RAPGEF6: variants seen among roughly 807,000 people sequenced by gnomAD.
RAPGEF6 encodes Rap guanine nucleotide exchange factor 6.
In RAPGEF6, 56 loss-of-function variants were observed where a neutral mutation model predicts 171.4. The observed-to-expected ratio is 0.33, with a 90% CI of 0.26 to 0.41. The LOEUF is 0.41. RAPGEF6 is among the 10% of genes least tolerant of loss of function. RAPGEF6 has a pLI of 1.00. For synonymous variants in RAPGEF6, 692 were observed against 650.1 expected (o/e 1.06, Z -0.98); for missense variants, 1,674 against 1,921.4 (o/e 0.87, Z 2.41).
chr5:131,516,330 G>C (rs1297887530), intron 7 of RAPGEF6, among the ~76,000 whole-genome samples: 1 of 151,868 alleles, frequency 6.6e-6, no homozygotes, highest in Admixed American at 6.6e-5. Context: ...GTGATCCACC[G>C]AACCCAGCCT....
intron 16 of RAPGEF6, among the ~76,000 whole-genome samples, chr5:131,476,762 C>A (rs1205246714): frequency 6.6e-6 from 1 of 152,128 alleles, no homozygotes; most frequent in Non-Finnish European, 1.5e-5. Flanking sequence ...AACCTCCTGG[C>A]CTCAAGTGAT....
intron 6 of RAPGEF6, among the ~76,000 whole-genome samples, chr5:131,532,669 G>C (rs566655761): frequency 1.7e-4 from 25 of 151,254 alleles, no homozygotes; most frequent in Middle Eastern, 3.4e-3. Flanking sequence ...TTAACCTCCA[G>C]AGGTTTAAAA....
rs1764112811 is a variant in RAPGEF6 at position 131,599,686 on chromosome 5, G to A, written c.197+3585C>T. Among the ~76,000 whole-genome samples, 7 of 152,280 alleles carry A rather than the reference G, an allele frequency of 4.6e-5. No individual in the cohort carries two copies. In the South Asian group the frequency reaches 1.5e-3, roughly 32 times the overall value. ...CCTTCAATCAACAATTTACATTTTA[G>A]AAAATTTGTATCCATTACTGTGAGC... On this transcript the variant is annotated intron_variant, in intron 3 of 27. Transcript: ENST00000509018.
At chr5:131,634,870 C>T in intron 1 of RAPGEF6, 92 bp downstream of exon 1, 2 of 1,425,772 alleles carry the variant, frequency 1.4e-6, no homozygotes, top group South Asian at 2.3e-5. Flanking sequence ...GTGCGAGACT[C>T]TGGCAAGAGG....
Position 131,498,570 on chromosome 5 carries a change from T to A in RAPGEF6, c.1292A>T (p.Glu431Val). 6.2e-7 allele frequency: 1 copy of A among 1,613,856 alleles called. No individual in the cohort carries two copies. The highest frequency in any genetic ancestry group is 8.5e-7 in the Non-Finnish European group (1 of 1,179,888). Residue 431 changes from glutamate (E) to valine (V), a missense_variant, in exon 12 of 28, where the codon GAA becomes GTA. Transcript: ENST00000509018. ...PERLIMHLIE[E>V]HSIVDPTYIE... Reference sequence around the variant, plus strand: ...ATAAGTTGGATCCACGATGGAATGTTCTTCTATTAAATGCATTATGAGACG... The same window carrying A: ...ATAAGTTGGATCCACGATGGAATGTACTTCTATTAAATGCATTATGAGACG...
In RAPGEF6 at chr5:131,431,229, C is replaced by G. The variant is rs769311427; in HGVS notation, c.4095G>C (p.Trp1365Cys). 2.5e-6 allele frequency: 4 copies of G among 1,614,080 alleles called. No homozygotes were observed. The South Asian group carries it at 3.3e-5, about 13-fold the overall frequency. Residue 1365 changes from tryptophan to cysteine, a missense_variant, in exon 26 of 28, where the codon TGG becomes TGC. Coordinates refer to ENST00000509018, the MANE Select transcript of RAPGEF6 (RefSeq NM_016340.6). ...CATGGGAGCTGCTTGAACACGAAGTCCAACTTCCACGACCACTGTCAGCTG... is the reference window on the plus strand; with the variant it reads ...CATGGGAGCTGCTTGAACACGAAGTGCAACTTCCACGACCACTGTCAGCTG... Reference protein sequence around the residue: ...IEAADSGRGSWTSCSSSSHDN... With the variant: ...IEAADSGRGSCTSCSSSSHDN...
chr5:131,603,900 C>T (rs534210582), intron 2 of RAPGEF6, among the ~76,000 whole-genome samples: 127 of 151,736 alleles, frequency 8.4e-4, no homozygotes, highest in South Asian at 1.2e-3. Flanking sequence ...TGATGAAAAC[C>T]CAGGAAAAGT....
chr5:131,618,161 T>G (rs1392789600), intron 1 of RAPGEF6, among the ~76,000 whole-genome samples: 1 of 152,174 alleles, frequency 6.6e-6, no homozygotes, highest in Non-Finnish European at 1.5e-5. Flanking sequence ...GGACCTGACT[T>G]TGAAAGGGCT....
In RAPGEF6 at chr5:131,492,562, GTGGT is replaced by G. The variant is rs758784615; in HGVS notation, c.1731+16_1731+19del. ...TACTTTTAAGAAGGCTTGAATATAA[GTGGT>G]TGGTTATTTCCTTACCTGATCACCA... On this transcript the variant is annotated intron_variant, in intron 14 of 27. Coordinates refer to ENST00000509018, the MANE Select transcript of RAPGEF6 (RefSeq NM_016340.6). 6.2e-6 allele frequency: 10 copies of G among 1,609,624 alleles called. No homozygotes were observed. The highest frequency in any genetic ancestry group is 1.3e-5 in the African/African-American group (1 of 74,810).
At chr5:131,633,538 T>C (rs1766445264) in intron 1 of RAPGEF6, among the ~76,000 whole-genome samples, 1 of 152,010 alleles carries the variant, frequency 6.6e-6, no homozygotes, top group Admixed American at 6.6e-5. Context: ...GAGACCACCC[T>C]GGGCAATATG....
intron 8 of RAPGEF6, among the ~76,000 whole-genome samples, chr5:131,508,545 G>A (rs1017920268): frequency 1.3e-5 from 2 of 152,066 alleles, no homozygotes; most frequent in African/African-American, 2.4e-5. Flanking sequence ...GATCTAATAG[G>A]TTAGTGAAAA....
intron 5 of RAPGEF6, among the ~76,000 whole-genome samples, chr5:131,550,493 C>T (rs547977275): frequency 2.0e-5 from 3 of 152,316 alleles, no homozygotes; most frequent in Non-Finnish European, 4.4e-5. Context: ...GAGTTGATGT[C>T]TAATCTGCTT....
intron 20 of RAPGEF6, among the ~76,000 whole-genome samples, chr5:131,455,172 A>C (rs1753392036): frequency 6.6e-6 from 1 of 152,252 alleles, no homozygotes; most frequent in African/African-American, 2.4e-5. Context: ...ATATACAGGC[A>C]AGGTTAAATA....
At position 131,446,547 on chromosome 5, in the gene RAPGEF6, A is replaced by G. The variant is rs367989048; in HGVS notation, c.3357T>C (p.Asp1119=). 1.9e-5 allele frequency: 30 copies of G among 1,614,246 alleles called. No individual in the cohort carries two copies. The South Asian group carries it at 2.5e-4, about 14-fold the overall frequency. ...GGAACTTCTCCTCATCTGTCTCTAC[A>G]TCGAGACTGGAAAGATACTGCTTCA... The part of the protein sequence containing the change: ...RKVKQYLSSL[D]VETDEEKFQM... Residue 1119 remains aspartate (D), a synonymous_variant, in exon 22 of 28, where the codon GAT becomes GAC. Transcript: ENST00000509018.
chr5:131,615,672 G>A (rs543485456), intron 1 of RAPGEF6, among the ~76,000 whole-genome samples: 1 of 152,218 alleles, frequency 6.6e-6, no homozygotes, highest in East Asian at 1.9e-4. Flanking sequence ...AGGCAGAGTG[G>A]GCGGATTACT....
At chr5:131,459,610 G>A (rs1231674784) in intron 19 of RAPGEF6, among the ~76,000 whole-genome samples, 3 of 152,096 alleles carry the variant, frequency 2.0e-5, no homozygotes, top group Non-Finnish European at 4.4e-5. Context: ...GCCAAAGTCT[G>A]GAAATTTAGA....
At chr5:131,615,351 G>A (rs1340899973) in intron 1 of RAPGEF6, among the ~76,000 whole-genome samples, 2 of 152,174 alleles carry the variant, frequency 1.3e-5, no homozygotes, top group Non-Finnish European at 2.9e-5. Context: ...AGGACAGCAT[G>A]GAGTTGTGGA....
In RAPGEF6 at chr5:131,509,694, C is replaced by T. The variant is rs532556648; in HGVS notation, c.805+620G>A. Among the ~76,000 whole-genome samples, 7 of 152,230 alleles carry T rather than the reference C, an allele frequency of 4.6e-5. No homozygotes were observed. The South Asian group carries it at 1.0e-3, about 23-fold the overall frequency. ...GCTTGTGCTTTAAATGTCTTATAGA[C>T]ATGAAGGGAAAAATCAGTTTAATGC... is the stretch of plus-strand genomic sequence containing the variant. On this transcript the variant is annotated intron_variant, in intron 8 of 27. Transcript: ENST00000509018.
chr5:131,436,315 G>A (rs1043319939), intron 24 of RAPGEF6: 19 of 1,537,490 alleles, frequency 1.2e-5, no homozygotes, highest in Admixed American at 1.2e-4. Flanking sequence ...TTGCAAGTAA[G>A]CCCCACCTAT....
Sources: allele counts gnomAD v4.1 joint callset (sites outside exome capture counted in the v4.1 genomes callset), GRCh38; gene constraint gnomAD v4.1.1; transcripts MANE v1.5; gene names NCBI Gene and HGNC (gene_info 2026-07-23, HGNC 2026-07-21).